Variants in SLC39A11 observed in about 807,000 individuals in gnomAD.
SLC39A11 encodes zinc transporter ZIP11.
Under a neutral mutation model 36.1 loss-of-function variants are expected in SLC39A11, and 33 were observed. The observed-to-expected ratio is 0.91, with a 90% confidence interval of 0.69 to 1.22. SLC39A11 has a LOEUF of 1.22. Ranked by LOEUF, SLC39A11 falls within the 50% of genes most tolerant of loss-of-function variation. SLC39A11 has a pLI of 0.00. For synonymous variants in SLC39A11, 166 were observed against 170.3 expected, an observed-to-expected ratio of 0.97 and a Z score of 0.20; for missense variants, 432 against 430.3, an observed-to-expected ratio of 1.00 and a Z score of -0.03.
In SLC39A11 at chr17:72,678,294, T is replaced by G. The variant is rs1004507874; in HGVS notation, c.672-29026A>C. On this transcript the variant is annotated intron_variant, in intron 7 of 9. Coordinates refer to ENST00000255559, the MANE Select transcript of SLC39A11 (RefSeq NM_139177.4). ...GAACTGAATCACCATTTACAACGTG[T>G]TTTTTTTCCCCCACTGTGGGAAAAT... Among the ~76,000 whole-genome samples the G allele has an allele frequency of 2.0e-5, 3 of 151,950 alleles. No homozygotes were observed. In the East Asian group the frequency reaches 5.8e-4, roughly 29 times the overall value.
intron 3 of SLC39A11, among the ~76,000 whole-genome samples, chr17:73,055,835 G>A (rs2059647662): frequency 6.6e-6 from 1 of 152,096 alleles, no homozygotes; most frequent in Non-Finnish European, 1.5e-5. Context: ...AAAACACCAG[G>A]CTGTAACCAA....
At chr17:72,734,841 A>G (rs1368441641) in intron 7 of SLC39A11, among the ~76,000 whole-genome samples, 1 of 151,978 alleles carries the variant, frequency 6.6e-6, no homozygotes, top group Non-Finnish European at 1.5e-5. Flanking sequence ...TTGGCCTTTG[A>G]ATGTTTATAA....
intron 6 of SLC39A11, among the ~76,000 whole-genome samples, chr17:72,778,070 A>C (rs937959456): frequency 6.6e-6 from 1 of 151,816 alleles, no homozygotes; most frequent in Non-Finnish European, 1.5e-5. Flanking sequence ...AAGCCTGGTT[A>C]ATTTTTGTAT....
intron 3 of SLC39A11, among the ~76,000 whole-genome samples, chr17:73,032,157 G>A (rs2058757913): frequency 1.3e-5 from 2 of 151,688 alleles, no homozygotes; most frequent in Admixed American, 1.3e-4. Flanking sequence ...TGACAACAAA[G>A]AATTATCTGG....
At chr17:72,751,752 AT>A (rs2075164596) in intron 6 of SLC39A11, among the ~76,000 whole-genome samples, 1 of 151,994 alleles carries the variant, frequency 6.6e-6, no homozygotes, top group South Asian at 2.1e-4. Context: ...TAATTTTGTA[AT>A]TTTGGTAGAG....
At chr17:72,687,254 T>A (rs2071798968) in intron 7 of SLC39A11, among the ~76,000 whole-genome samples, 1 of 152,032 alleles carries the variant, frequency 6.6e-6, no homozygotes, top group Non-Finnish European at 1.5e-5. Flanking sequence ...TGGCAAACTC[T>A]TGGGTAGGAG....
At chr17:72,929,331 C>T (rs2084244071) in intron 5 of SLC39A11, among the ~76,000 whole-genome samples, 1 of 152,168 alleles carries the variant, frequency 6.6e-6, no homozygotes, top group Non-Finnish European at 1.5e-5. Flanking sequence ...CTGCAATATA[C>T]AAGACATGGC....
rs535430635 is a variant in SLC39A11, at chr17:73,016,491, A to G, written c.306+15065T>C. 3.3e-5 allele frequency among the ~76,000 whole-genome samples: 5 copies of G among 151,876 alleles called. No individual in the cohort carries two copies. In the East Asian group the frequency reaches 9.7e-4, roughly 30 times the overall value. On this transcript the variant is annotated intron_variant, in intron 4 of 9. Transcript: ENST00000255559. ...TGGGATTACAGGCATGTACCACCAC[A>G]CTCTGCTAAGTTTTGTATTTTTAGT...
chr17:72,951,779 A>G (rs1268333075), intron 4 of SLC39A11, among the ~76,000 whole-genome samples: 1 of 152,062 alleles, frequency 6.6e-6, no homozygotes, highest in Admixed American at 6.6e-5. Flanking sequence ...TATTAACTGT[A>G]AAGACAGTGT....
rs539639367 is a variant in SLC39A11 at position 72,679,815 on chromosome 17, G to A, written c.672-30547C>T. ...TCCCAGCACTTTGGGAGGCCAAGGT[G>A]GGCGGATCACGAGGCCAAGAGATCG... On this transcript the variant is annotated intron_variant, in intron 7 of 9. Coordinates refer to ENST00000255559, the MANE Select transcript of SLC39A11 (RefSeq NM_139177.4). Among the ~76,000 whole-genome samples, 22 of 152,168 alleles carry A rather than the reference G, an allele frequency of 1.4e-4. No homozygotes were observed. In the East Asian group the frequency reaches 2.3e-3, roughly 16 times the overall value.
chr17:72,736,218 C>T (rs1002536324), intron 7 of SLC39A11, among the ~76,000 whole-genome samples: 5 of 152,094 alleles, frequency 3.3e-5, no homozygotes, highest in Admixed American at 2.0e-4. Flanking sequence ...CATAGGATGA[C>T]AAGCCCACCA....
chr17:72,852,670 G>A (rs1048778502), intron 5 of SLC39A11, among the ~76,000 whole-genome samples: 2 of 152,226 alleles, frequency 1.3e-5, no homozygotes, highest in African/African-American at 4.8e-5. Flanking sequence ...GTGTATGTAT[G>A]CACATGTGTG....
chr17:72,868,618 C>CAAAAAAAAAAAAAAAAAAA (rs71354894), intron 5 of SLC39A11, among the ~76,000 whole-genome samples: 3 of 56,476 alleles, frequency 5.3e-5, no homozygotes, highest in Non-Finnish European at 9.3e-5. Context: ...CCTGTCTCTA[C>CAAAAAAAAAAAAAAAAAAA]AAAAAAAAAA....
chr17:72,769,301 A>T (rs1361676912), intron 6 of SLC39A11, among the ~76,000 whole-genome samples: 1 of 152,204 alleles, frequency 6.6e-6, no homozygotes, highest in African/African-American at 2.4e-5. Context: ...GTTGTCACTC[A>T]TCTACCAAGT....
intron 6 of SLC39A11, among the ~76,000 whole-genome samples, chr17:72,774,770 C>T (rs2076074812): frequency 6.6e-6 from 1 of 152,152 alleles, no homozygotes; most frequent in African/African-American, 2.4e-5. Context: ...AGTTAGAGCA[C>T]CTCTCATCTG....
At chr17:72,722,583 G>A (rs992327129) in intron 7 of SLC39A11, among the ~76,000 whole-genome samples, 3 of 152,050 alleles carry the variant, frequency 2.0e-5, no homozygotes, top group Non-Finnish European at 4.4e-5. Flanking sequence ...AAAGGACTTT[G>A]TTTTATCCTG....
chr17:72,919,096 C>T (rs2083491062), intron 5 of SLC39A11, among the ~76,000 whole-genome samples: 2 of 152,016 alleles, frequency 1.3e-5, no homozygotes, highest in Non-Finnish European at 1.5e-5. Flanking sequence ...AAATCACGCT[C>T]ATAACCCAAT....
chr17:72,755,312 G>C (rs372236417), intron 6 of SLC39A11, among the ~76,000 whole-genome samples: 5 of 152,368 alleles, frequency 3.3e-5, no homozygotes, highest in South Asian at 2.1e-4. Context: ...TAAGGGCAAC[G>C]AAATCAGGAG....
intron 5 of SLC39A11, among the ~76,000 whole-genome samples, chr17:72,922,815 A>G (rs2083751106): frequency 6.6e-6 from 1 of 151,912 alleles, no homozygotes; most frequent in Non-Finnish European, 1.5e-5. Context: ...TAAAAACACA[A>G]AAATTATCCA....
Sources: gnomAD v4.1 joint callset for allele counts (sites outside exome capture counted in the v4.1 genomes callset) on GRCh38, gnomAD v4.1.1 for gene constraint, MANE v1.5 for transcripts, NCBI Gene and HGNC (gene_info 2026-07-23, HGNC 2026-07-21) for gene names.